The following PELI2 variants were observed in gnomAD, a reference collection of about 807,000 sequenced individuals.
PELI2 encodes E3 ubiquitin-protein ligase pellino homolog 2.
PELI2 carries 23 observed loss-of-function variants against 42.3 expected under a neutral mutation model. The ratio of observed to expected loss-of-function variants is 0.54; its 90% CI spans 0.39 to 0.77. PELI2 has a LOEUF of 0.77. PELI2 is among the 30% of genes least tolerant of loss of function. PELI2 has a pLI of 0.00. For missense variants in PELI2, 463 were observed against 553.2 expected (o/e 0.84, Z 1.64); for synonymous variants, 245 against 212.2 (o/e 1.15, Z -1.34).
chr14:56,252,073 C>T (rs572960857), intron 2 of PELI2, among the ~76,000 whole-genome samples: 2 of 152,274 alleles, frequency 1.3e-5, no homozygotes, highest in African/African-American at 4.8e-5. Flanking sequence ...ATAGGGTATT[C>T]TGCTTCAATA....
At chr14:56,214,447 G>A (rs1030499819) in intron 2 of PELI2, among the ~76,000 whole-genome samples, 3 of 152,150 alleles carry the variant, frequency 2.0e-5, no homozygotes. Flanking sequence ...ATGATAATGT[G>A]TATGATCATT....
intron 2 of PELI2, among the ~76,000 whole-genome samples, chr14:56,217,156 G>C (rs1790300270): frequency 6.6e-6 from 1 of 152,196 alleles, no homozygotes; most frequent in African/African-American, 2.4e-5. Context: ...CAACAGTCCT[G>C]TGAGGCCAAA....
chr14:56,125,797 G>T (rs931773088), intron 1 of PELI2, among the ~76,000 whole-genome samples: 5 of 152,144 alleles, frequency 3.3e-5, no homozygotes, highest in Non-Finnish European at 7.3e-5. Context: ...CCCCTTGAGG[G>T]TAGGAACCTT....
chr14:56,164,313 C>T (rs1884873824), intron 1 of PELI2, among the ~76,000 whole-genome samples: 1 of 151,838 alleles, frequency 6.6e-6, no homozygotes, highest in Non-Finnish European at 1.5e-5. Context: ...CCATTTTATC[C>T]TTCATTGTGT....
intron 2 of PELI2, among the ~76,000 whole-genome samples, chr14:56,214,645 A>G (rs1389143262): frequency 1.3e-5 from 2 of 152,214 alleles, no homozygotes; most frequent in Non-Finnish European, 2.9e-5. Flanking sequence ...GCCTTGGAGC[A>G]GGCTGGAGGG....
Position 56,134,194 on chromosome 14 carries a change from G to C in PELI2, c.77+15457G>C, listed in dbSNP as rs555707241. On this transcript the variant is annotated intron_variant, in intron 1 of 5. Transcript: ENST00000267460. ...AAGTTTCCTTTTAAACTTTAAGAAA[G>C]AGAAGGGGTTACAGTCATGAGTACA... Among the ~76,000 whole-genome samples the C allele has an allele frequency of 2.5e-4, 38 of 152,288 alleles. 1 individual carries two copies. The South Asian group carries it at 5.4e-3, about 22-fold the overall frequency.
At chr14:56,145,224 G>A (rs749350573) in intron 1 of PELI2, among the ~76,000 whole-genome samples, 2 of 152,106 alleles carry the variant, frequency 1.3e-5, no homozygotes, top group Admixed American at 6.6e-5. Context: ...GGAAGGTGCC[G>A]TATACTTTTA....
rs1322066859 is a variant in PELI2 at position 56,300,168 on chromosome 14, T to A, written c.*3002T>A. 1 of 152,660 alleles carries A rather than the reference T, an allele frequency of 6.6e-6. No homozygotes were observed. Among genetic ancestry groups the A allele is most frequent in the African/African-American group, 2.4e-5 (1 of 41,460 alleles). The allele number at this position is 152,660 out of a possible 1,614,324, so 9.5% of individuals were successfully genotyped here. On this transcript the variant is annotated 3_prime_UTR_variant, in exon 6 of 6. Coordinates refer to ENST00000267460, the MANE Select transcript of PELI2 (RefSeq NM_021255.3). ...TTTATCATTCCTCGATAGTTAATTA[T>A]AGACTTTGGTACCTTTGTGCCTCAG...
chr14:56,181,092 T>C (rs1335860102), intron 2 of PELI2, among the ~76,000 whole-genome samples: 3 of 152,294 alleles, frequency 2.0e-5, no homozygotes, highest in South Asian at 2.1e-4. Flanking sequence ...CCCACTGATA[T>C]GGTGCTCCTT....
chr14:56,232,343 T>G (rs375726956), intron 2 of PELI2, among the ~76,000 whole-genome samples: 1 of 152,172 alleles, frequency 6.6e-6, no homozygotes, highest in East Asian at 1.9e-4. Flanking sequence ...TGATGAACAT[T>G]GATGCAAAAA....
At position 56,118,415 on chromosome 14, in the gene PELI2, T is replaced by A. The variant is rs991749989; in HGVS notation, c.-246T>A. ...CAGGTCCCCCTGCTGCCGGGTCCCA[T>A]TTGTTGCCGGCTCTGACTCGGGGCG... On this transcript the variant is annotated 5_prime_UTR_variant, in exon 1 of 6. Coordinates refer to ENST00000267460, the MANE Select transcript of PELI2 (RefSeq NM_021255.3). 4 of 256,910 alleles carry A rather than the reference T, an allele frequency of 1.6e-5. No individual in the cohort carries two copies. The highest frequency in any genetic ancestry group is 6.8e-5 in the African/African-American group (3 of 44,054). The allele number at this position is 256,910 out of a possible 1,614,324, so 15.9% of individuals were successfully genotyped here.
At chr14:56,204,837 G>A (rs567280241) in intron 2 of PELI2, among the ~76,000 whole-genome samples, 6 of 151,916 alleles carry the variant, frequency 3.9e-5, no homozygotes, top group African/African-American at 9.7e-5. Flanking sequence ...CGAGACCATC[G>A]TGGCTAACAT....
At chr14:56,227,403 C>T (rs953336522) in intron 2 of PELI2, among the ~76,000 whole-genome samples, 1 of 152,150 alleles carries the variant, frequency 6.6e-6, no homozygotes, top group African/African-American at 2.4e-5. Flanking sequence ...GAAAATAGAT[C>T]AAATACCTAA....
chr14:56,257,988 G>A (rs759836077), intron 2 of PELI2, among the ~76,000 whole-genome samples: 9 of 152,180 alleles, frequency 5.9e-5, no homozygotes, highest in Non-Finnish European at 1.3e-4. Flanking sequence ...GCATGGTGAA[G>A]CGCCACAGAA....
At chr14:56,169,546 G>C (rs1292313010) in intron 1 of PELI2, among the ~76,000 whole-genome samples, 1 of 152,236 alleles carries the variant, frequency 6.6e-6, no homozygotes, top group Non-Finnish European at 1.5e-5. Flanking sequence ...CACTAGGCTT[G>C]TTGCTGCTGC....
chr14:56,140,287 A>G (rs1039903897), intron 1 of PELI2, among the ~76,000 whole-genome samples: 10 of 152,110 alleles, frequency 6.6e-5, no homozygotes, highest in African/African-American at 2.2e-4. Flanking sequence ...AATTCCTTCT[A>G]CCCCATTGTA....
At chr14:56,119,014 CG>C (rs1882959959) in intron 1 of PELI2, 1 of 169,384 alleles carries the variant, frequency 5.9e-6, no homozygotes, top group South Asian at 2.2e-4. Context: ...GGGGCAGCGC[CG>C]GGCACCGGGT....
chr14:56,265,104 C>T (rs1321124429), intron 2 of PELI2, among the ~76,000 whole-genome samples: 1 of 152,138 alleles, frequency 6.6e-6, no homozygotes, highest in East Asian at 1.9e-4. Flanking sequence ...ATCAAAATCC[C>T]AGCAGACTTT....
rs143081310 is a variant in PELI2, at chr14:56,126,637, C to G, written c.77+7900C>G. ...AGGACCTCGGTGGCCCCCCTCCTTT[C>G]CCATCTTGTGCTTCCTGCTCCATGA... On this transcript the variant is annotated intron_variant, in intron 1 of 5. Transcript: ENST00000267460. 5.2e-3 allele frequency among the ~76,000 whole-genome samples: 799 copies of G among 152,284 alleles called. 36 individuals carry two copies. The highest frequency in any genetic ancestry group is 0.046 in the Admixed American group (704 of 15,290).
Sources: allele counts gnomAD v4.1 joint callset (sites outside exome capture counted in the v4.1 genomes callset), GRCh38; gene constraint gnomAD v4.1.1; transcripts MANE v1.5; gene names NCBI Gene and HGNC (gene_info 2026-07-23, HGNC 2026-07-21).